The following UNC5A variants were observed in gnomAD, a reference collection of about 807,000 sequenced individuals.
UNC5A encodes the protein unc-5 netrin receptor A, also known as netrin receptor UNC5A.
In UNC5A, 20 loss-of-function variants were observed where a neutral mutation model predicts 87.4. The ratio of observed to expected loss-of-function variants is 0.23; its 90% CI spans 0.16 to 0.33. UNC5A has a LOEUF of 0.33. UNC5A is among the 10% of genes least tolerant of loss of function. UNC5A has a pLI of 1.00. For missense variants in UNC5A, 844 were observed against 1,133.4 expected (o/e 0.74, Z 3.67); for synonymous variants, 438 against 482.3 (o/e 0.91, Z 1.20).
chr5:176,848,789 A>G lies in UNC5A; in HGVS notation c.71-13835A>G, dbSNP rs914997652. 6.6e-6 allele frequency among the ~76,000 whole-genome samples: 1 copy of G among 152,296 alleles called. No homozygotes were observed. The highest frequency in any genetic ancestry group is 6.5e-5 in the Admixed American group (1 of 15,306). ...CTGAGGCTCAGACCACGGGCACACA[A>G]GATGGGCAGCCGCGGCCTGGGCCCT... On this transcript the variant is annotated intron_variant, in intron 1 of 14. Coordinates refer to ENST00000329542, the MANE Select transcript of UNC5A (RefSeq NM_133369.3). The surrounding 1 kb of genome is among the most constrained non-coding windows in gnomAD (Gnocchi z 5.8).
At chr5:176,830,692 GTGTGTGCA>G in intron 1 of UNC5A, among the ~76,000 whole-genome samples, 1 of 146,556 alleles carries the variant, frequency 6.8e-6, no homozygotes, top group Admixed American at 6.8e-5. Flanking sequence ...GTGCTGGCAT[GTGTGTGCA>G]CTGGCGCGTG....
chr5:176,874,291 C>T lies in UNC5A; in HGVS notation c.1103C>T (p.Pro368Leu), dbSNP rs769343359. The T allele has an allele frequency of 5.0e-6, 8 of 1,601,306 alleles. 1 individual carries two copies. Among genetic ancestry groups the T allele is most frequent in the Admixed American group, 3.4e-5 (2 of 59,026 alleles). The change falls in exon 8 of 15, where the codon CCG (proline) becomes CTG (leucine). Residue 368 changes from proline to leucine, a missense_variant. Transcript: ENST00000329542. This position sits in a 1 kb window ranked among gnomAD's most constrained non-coding sequence, Gnocchi z 7.6. ...AACCCCCATCTGCTCACCATCCAGC[C>T]GGACCTCAGCACCACCACCACCACC... ...ADNPHLLTIQ[P>L]DLSTTTTTYQ...
chr5:176,870,671 C>T (rs1758087704), intron 6 of UNC5A, 137 bp downstream of exon 6: 1 of 1,013,878 alleles, frequency 9.9e-7, no homozygotes, highest in East Asian at 2.8e-5. Context: ...ACTGAGATCC[C>T]CCTCATCCTT....
chr5:176,857,392 T>C (rs898373790), intron 1 of UNC5A, among the ~76,000 whole-genome samples: 4 of 152,194 alleles, frequency 2.6e-5, no homozygotes, highest in Admixed American at 2.6e-4. Context: ...CAAGGCTCCT[T>C]GCCCAGGGGT....
chr5:176,811,718 G>C (rs1756460303), intron 1 of UNC5A, among the ~76,000 whole-genome samples: 1 of 152,090 alleles, frequency 6.6e-6, no homozygotes, highest in Admixed American at 6.5e-5. Context: ...ACTTAGCTGA[G>C]TTGAGCGTAT....
chr5:176,857,416 T>C (rs933094254), intron 1 of UNC5A, among the ~76,000 whole-genome samples: 7 of 152,258 alleles, frequency 4.6e-5, no homozygotes, highest in South Asian at 4.1e-4. Flanking sequence ...TTGCCTCCCA[T>C]TGCCACCGGC....
chr5:176,858,757 AGG>A (rs1757732232), intron 1 of UNC5A, among the ~76,000 whole-genome samples: 2 of 132,748 alleles, frequency 1.5e-5, no homozygotes, highest in Non-Finnish European at 3.2e-5. Flanking sequence ...GAAGGAAGGA[AGG>A]AAGGAAGGAA....
At chr5:176,864,832 T>C (rs906064301) in intron 2 of UNC5A, 1 of 455,848 alleles carries the variant, frequency 2.2e-6, no homozygotes, top group African/African-American at 2.0e-5. Context: ...ATAGAGAGGG[T>C]TGGCGGCCAA....
intron 1 of UNC5A, among the ~76,000 whole-genome samples, chr5:176,855,397 G>A (rs1446820147): frequency 6.6e-6 from 1 of 152,184 alleles, no homozygotes; most frequent in African/African-American, 2.4e-5. Flanking sequence ...AGTCCTTCTG[G>A]GAACCATTGG....
chr5:176,839,409 G>A lies in UNC5A; in HGVS notation c.71-23215G>A, dbSNP rs537064675. 4.9e-4 allele frequency among the ~76,000 whole-genome samples: 75 copies of A among 152,340 alleles called. 1 individual carries two copies. The highest frequency in any genetic ancestry group is 1.8e-3 in the African/African-American group (73 of 41,580). ...TGAGGAGAGTGGACATGCCTCCCAG[G>A]GCCCATGTGCAGGAGCCTGGTGATG... On this transcript the variant is annotated intron_variant, in intron 1 of 14. Coordinates refer to ENST00000329542, the MANE Select transcript of UNC5A (RefSeq NM_133369.3).
At position 176,824,304 on chromosome 5, in the gene UNC5A, C is replaced by T. The variant is rs1426115863; in HGVS notation, c.70+13484C>T. Among the ~76,000 whole-genome samples the T allele has an allele frequency of 2.0e-5, 3 of 152,156 alleles. No homozygotes were observed. The highest frequency in any genetic ancestry group is 2.1e-4 in the South Asian group (1 of 4,830). The stretch of plus-strand genomic sequence containing the variant: ...AGGGAGGAGGCTGTCCCAGTGGCCC[C>T]GAGGCCCTGAGGCTCTGGTCCCTGC... On this transcript the variant is annotated intron_variant, in intron 1 of 14. Transcript: ENST00000329542. The surrounding 1 kb of genome is among the most constrained non-coding windows in gnomAD (Gnocchi z 4.2).
rs1373974872 is a variant in UNC5A at position 176,838,912 on chromosome 5, T to C, written c.71-23712T>C. Among the ~76,000 whole-genome samples the C allele has an allele frequency of 6.6e-6, 1 of 152,158 alleles. No homozygotes were observed. Among genetic ancestry groups the C allele is most frequent in the Non-Finnish European group, 1.5e-5 (1 of 68,026 alleles). On this transcript the variant is annotated intron_variant, in intron 1 of 14. Transcript: ENST00000329542. The surrounding 1 kb of genome is among the most constrained non-coding windows in gnomAD (Gnocchi z 4.2). ...GGTCCATCCCTGAAGCTGGTAGGGGTCATTTCCACTCAAACCACATAGCTT... is the reference window on the plus strand; with the variant it reads ...GGTCCATCCCTGAAGCTGGTAGGGGCCATTTCCACTCAAACCACATAGCTT...
intron 1 of UNC5A, among the ~76,000 whole-genome samples, chr5:176,832,221 A>G (rs774135955): frequency 6.6e-6 from 1 of 152,110 alleles, no homozygotes; most frequent in Non-Finnish European, 1.5e-5. Context: ...TGAAGCCTCA[A>G]TGCAGAGTTT....
rs762804310 is a variant in UNC5A at position 176,874,121 on chromosome 5, G to C, written c.1040G>C (p.Gly347Ala). The change falls in exon 7 of 15, where the codon GGC becomes GCC. Residue 347 changes from glycine to alanine, a missense_variant. By Grantham distance (60) the Gly-to-Ala change is moderately conservative (BLOSUM62 0). Coordinates refer to ENST00000329542, the MANE Select transcript of UNC5A (RefSeq NM_133369.3). This position sits in a 1 kb window ranked among gnomAD's most constrained non-coding sequence, Gnocchi z 7.6. ...GCTGACTCGTCCATTCTCACCTCAGGCTTCCAGCCCGTCAGCATCAAGCCC... is the reference window on the plus strand; with the variant it reads ...GCTGACTCGTCCATTCTCACCTCAGCCTTCCAGCCCGTCAGCATCAAGCCC... ...DVADSSILTS[G>A]FQPVSIKPSK... is the part of the protein sequence containing the mutation. 1.2e-6 allele frequency: 2 copies of C among 1,613,968 alleles called. No homozygotes were observed. Among genetic ancestry groups the C allele is most frequent in the South Asian group, 1.1e-5 (1 of 91,090 alleles).
intron 1 of UNC5A, among the ~76,000 whole-genome samples, chr5:176,814,696 C>G (rs1193559251): frequency 2.0e-5 from 3 of 152,222 alleles, no homozygotes; most frequent in African/African-American, 7.2e-5. Flanking sequence ...CCTGAGCCTC[C>G]TCCTTCTCCT....
intron 1 of UNC5A, among the ~76,000 whole-genome samples, chr5:176,822,808 G>A (rs1386206120): frequency 6.6e-6 from 1 of 152,216 alleles, no homozygotes; most frequent in East Asian, 1.9e-4. Flanking sequence ...GAGGGGAGGA[G>A]AAGGAGTGGA....
intron 1 of UNC5A, among the ~76,000 whole-genome samples, chr5:176,859,881 G>T (rs73804251): frequency 1.3e-5 from 2 of 152,250 alleles, no homozygotes; most frequent in Admixed American, 1.3e-4. Flanking sequence ...TGGGTCCACC[G>T]GATAAATGCC....
intron 1 of UNC5A, among the ~76,000 whole-genome samples, chr5:176,842,693 G>A (rs1455156206): frequency 1.3e-5 from 2 of 152,068 alleles, no homozygotes; most frequent in Non-Finnish European, 2.9e-5. Context: ...ATGGACTTTG[G>A]GGACTTGTGT....
Position 176,866,815 on chromosome 5 carries a change from T to C in UNC5A, c.293-1315T>C, listed in dbSNP as rs1757986219. Among the ~76,000 whole-genome samples, 2 of 152,148 alleles carry C rather than the reference T, an allele frequency of 1.3e-5. No individual in the cohort carries two copies. The highest frequency in any genetic ancestry group is 4.2e-4 in the South Asian group (2 of 4,812). ...CCTGAGAGTGTCCACACTGGGTGTC[T>C]TAGAGAACGGGGCAGGTGGTGCCCA... On this transcript the variant is annotated intron_variant, in intron 2 of 14. Transcript: ENST00000329542. The surrounding 1 kb of genome is among the most constrained non-coding windows in gnomAD (Gnocchi z 5.0).
Sources: allele counts gnomAD v4.1 joint callset (sites outside exome capture counted in the v4.1 genomes callset), GRCh38; gene constraint gnomAD v4.1.1; non-coding constraint Gnocchi (gnomAD v3.1); transcripts MANE v1.5; gene names NCBI Gene and HGNC (gene_info 2026-07-23, HGNC 2026-07-21).